Variants in MSH3 observed in about 807,000 individuals in gnomAD.
The protein encoded by MSH3 is DNA mismatch repair protein Msh3.
A neutral mutation model predicts 123.3 loss-of-function variants in MSH3; 106 were observed. The ratio of observed to expected loss-of-function variants is 0.86; its 90% CI spans 0.73 to 1.01. MSH3 has a LOEUF of 1.01. Among genes scored for constraint, MSH3 ranks in the 50% least tolerant of loss-of-function variants. The pLI is 0.00. For synonymous variants in MSH3, 515 were observed against 481.4 expected, an observed-to-expected ratio of 1.07 and a Z score of -0.91; for missense variants, 1,459 against 1,347.6, an observed-to-expected ratio of 1.08 and a Z score of -1.29.
intron 2 of MSH3, among the ~76,000 whole-genome samples, chr5:80,659,533 A>G (rs1479936038): frequency 2.8e-5 from 4 of 141,212 alleles, no homozygotes; most frequent in Non-Finnish European, 4.7e-5. Context: ...TCTTGCAGTT[A>G]CTGTAATGTT....
intron 8 of MSH3, among the ~76,000 whole-genome samples, chr5:80,701,643 T>C (rs1013400023): frequency 1.3e-5 from 2 of 152,232 alleles, no homozygotes; most frequent in African/African-American, 4.8e-5. Context: ...ACTTTCTACC[T>C]GAAGTCAAAA....
chr5:80,843,167 G>A (rs879428106), intron 20 of MSH3, among the ~76,000 whole-genome samples: 2 of 151,830 alleles, frequency 1.3e-5, no homozygotes, highest in African/African-American at 2.4e-5. Context: ...ATAATCATGT[G>A]GTTTTTGTCA....
chr5:80,813,478 C>A, intron 19 of MSH3, 106 bp from the exon 20 acceptor site: 1 of 1,162,860 alleles, frequency 8.6e-7, no homozygotes, highest in Non-Finnish European at 1.3e-6. Flanking sequence ...GATATTTATG[C>A]TACAAAGTAA....
At chr5:80,848,810 A>T (rs1478315952) in intron 20 of MSH3, among the ~76,000 whole-genome samples, 1 of 152,138 alleles carries the variant, frequency 6.6e-6, no homozygotes, top group Non-Finnish European at 1.5e-5. Context: ...AAACCATGTT[A>T]TTCCACCCCT....
At position 80,672,336 on chromosome 5, in the gene MSH3, C is replaced by T. The variant is rs2112813856; in HGVS notation, c.885C>T (p.Arg295=). ...CTCACAGACTGTTTGTTCATGTACG[C>T]CGCCTGGTGGCAAAAGGATATAAGG... ...IPTHRLFVHV[R]RLVAKGYKVG... is the part of the protein sequence containing the mutation. Residue 295 remains arginine, a synonymous_variant, in exon 5 of 24, where the codon CGC becomes CGT. Coordinates refer to ENST00000265081, the MANE Select transcript of MSH3 (RefSeq NM_002439.5). 2 of 1,613,700 alleles carry T rather than the reference C, an allele frequency of 1.2e-6. No individual in the cohort carries two copies. The highest frequency in any genetic ancestry group is 1.7e-6 in the Non-Finnish European group (2 of 1,179,666).
intron 13 of MSH3, among the ~76,000 whole-genome samples, chr5:80,765,464 C>G (rs1744106553): frequency 6.6e-6 from 1 of 152,096 alleles, no homozygotes; most frequent in Non-Finnish European, 1.5e-5. Context: ...TCAGTTGGAC[C>G]TAACTTCTTA....
At chr5:80,708,726 T>G (rs1650734) in intron 8 of MSH3, among the ~76,000 whole-genome samples, 18,541 of 152,164 alleles carry the variant, frequency 0.12, 1,296 homozygotes, top group Middle Eastern at 0.2. Flanking sequence ...TATTAGATAT[T>G]TTAGACTTTG....
chr5:80,767,892 T>G, intron 13 of MSH3, 41 bp from the exon 14 acceptor site: 1 of 1,458,704 alleles, frequency 6.9e-7, no homozygotes, highest in East Asian at 2.3e-5. Flanking sequence ...TTCATTTTCA[T>G]GTATCTTATG....
rs1746314623 is a variant in MSH3, at chr5:80,876,659, A to G, written c.*797A>G. Among the ~76,000 whole-genome samples, 1 of 151,992 alleles carries G rather than the reference A, an allele frequency of 6.6e-6. No individual in the cohort carries two copies. On this transcript the variant is annotated 3_prime_UTR_variant, in exon 24 of 24. Transcript: ENST00000265081. ...AAAAAAAAGAAAAAAGAAAAGAAATAGAATTATCAAGCTTTTAAAAACTAG... is the reference window on the plus strand; with the variant it reads ...AAAAAAAAGAAAAAAGAAAAGAAATGGAATTATCAAGCTTTTAAAAACTAG...
intron 7 of MSH3, among the ~76,000 whole-genome samples, chr5:80,677,140 C>G (rs145061531): frequency 6.6e-6 from 1 of 152,208 alleles, no homozygotes; most frequent in African/African-American, 2.4e-5. Flanking sequence ...ATCTTATCTT[C>G]TTTTACCCTC....
intron 13 of MSH3, among the ~76,000 whole-genome samples, chr5:80,767,184 T>G (rs1344887408): frequency 6.6e-6 from 1 of 150,702 alleles, no homozygotes; most frequent in African/African-American, 2.4e-5. Flanking sequence ...AGCGCTACTA[T>G]GAATATTCAG....
intron 6 of MSH3, among the ~76,000 whole-genome samples, chr5:80,673,219 A>T (rs1481330710): frequency 6.6e-6 from 1 of 152,192 alleles, no homozygotes; most frequent in African/African-American, 2.4e-5. Context: ...GGTCTTTCCA[A>T]AGTGAGACCT....
chr5:80,726,875 A>G (rs999314863), intron 9 of MSH3, among the ~76,000 whole-genome samples: 2 of 152,196 alleles, frequency 1.3e-5, no homozygotes, highest in African/African-American at 4.8e-5. Context: ...TATCCGTGGT[A>G]CCAGATTTAC....
At chr5:80,788,217 C>T (rs915233123) in intron 18 of MSH3, among the ~76,000 whole-genome samples, 1 of 152,114 alleles carries the variant, frequency 6.6e-6, no homozygotes, top group African/African-American at 2.4e-5. Context: ...AGGCAGATCA[C>T]GAGGTTAAGG....
At chr5:80,714,573 A>G (rs1166907283) in intron 8 of MSH3, among the ~76,000 whole-genome samples, 2 of 152,238 alleles carry the variant, frequency 1.3e-5, no homozygotes, top group Admixed American at 6.5e-5. Context: ...AGATGGTTTA[A>G]TATACAGATT....
At chr5:80,868,001 C>T (rs555135537) in intron 22 of MSH3, among the ~76,000 whole-genome samples, 1 of 152,186 alleles carries the variant, frequency 6.6e-6, no homozygotes, top group Admixed American at 6.5e-5. Context: ...TTGCCCGTTC[C>T]TATGTACAGA....
intron 21 of MSH3, among the ~76,000 whole-genome samples, chr5:80,862,789 G>A (rs562339860): frequency 1.3e-5 from 2 of 152,164 alleles, no homozygotes; most frequent in African/African-American, 2.4e-5. Context: ...AATTCATACT[G>A]ACACTAACAA....
chr5:80,786,668 G>A (rs541445642), intron 17 of MSH3, among the ~76,000 whole-genome samples: 70 of 151,992 alleles, frequency 4.6e-4, no homozygotes, highest in African/African-American at 1.6e-3. Flanking sequence ...TAAGTTTTGG[G>A]TCCTTTTTGT....
chr5:80,848,788 G>A (rs1041230928), intron 20 of MSH3, among the ~76,000 whole-genome samples: 1 of 152,026 alleles, frequency 6.6e-6, no homozygotes, highest in Non-Finnish European at 1.5e-5. Context: ...ATTTGTGTGG[G>A]GACACAGAGT....
Sources: allele counts gnomAD v4.1 joint callset (sites outside exome capture counted in the v4.1 genomes callset), GRCh38; gene constraint gnomAD v4.1.1; transcripts MANE v1.5; gene names NCBI Gene and HGNC (gene_info 2026-07-23, HGNC 2026-07-21).